TBC1D2B: variants seen among roughly 807,000 people sequenced by gnomAD.
The protein encoded by TBC1D2B is TBC1 domain family member 2B, also known as TBC1 domain family, member 2B.
Under a neutral mutation model 100.8 loss-of-function variants are expected in TBC1D2B, and 64 were observed. That is an observed-to-expected ratio of 0.64 (90% CI 0.52 to 0.78). TBC1D2B has a LOEUF of 0.78. Among genes scored for constraint, TBC1D2B ranks in the 30% least tolerant of loss-of-function variants. The pLI is 0.00. For missense variants in TBC1D2B, 1,052 were observed against 1,218.4 expected (o/e 0.86, Z 2.03); for synonymous variants, 480 against 479.7 (o/e 1.00, Z -0.01).
At chr15:78,070,949 A>C (rs574887886) in intron 1 of TBC1D2B, among the ~76,000 whole-genome samples, 1 of 152,340 alleles carries the variant, frequency 6.6e-6, no homozygotes, top group East Asian at 1.9e-4. Flanking sequence ...CAGCCTCCCA[A>C]GCAGCTGGGA....
chr15:78,011,548 G>A (rs896359524), intron 9 of TBC1D2B, among the ~76,000 whole-genome samples: 8 of 145,014 alleles, frequency 5.5e-5, no homozygotes, highest in African/African-American at 1.5e-4. Context: ...ACAGCTCACC[G>A]CAGCCTCAAC....
At chr15:78,040,867 A>AAAGG in intron 3 of TBC1D2B, among the ~76,000 whole-genome samples, 2 of 142,284 alleles carry the variant, frequency 1.4e-5, no homozygotes, top group Non-Finnish European at 3.0e-5. Flanking sequence ...AGAAAGAAAG[A>AAAGG]AAGAAAGAAA....
At chr15:78,057,931 C>G (rs780009909) in intron 1 of TBC1D2B, among the ~76,000 whole-genome samples, 2 of 152,164 alleles carry the variant, frequency 1.3e-5, no homozygotes, top group South Asian at 4.1e-4. Flanking sequence ...AATGGAGATT[C>G]GGCTCAGGCC....
chr15:77,996,083 A>C lies in TBC1D2B; in HGVS notation c.*2077T>G, dbSNP rs994448523. 1 of 151,718 alleles carries C rather than the reference A, an allele frequency of 6.6e-6. No individual in the cohort carries two copies. Among genetic ancestry groups the C allele is most frequent in the Non-Finnish European group, 1.5e-5 (1 of 67,942 alleles). 9.4% of individuals were successfully genotyped at this position (151,718 alleles called of 1,614,324 possible). On this transcript the variant is annotated 3_prime_UTR_variant, in exon 13 of 13. Coordinates refer to ENST00000300584, the MANE Select transcript of TBC1D2B (RefSeq NM_144572.2). ...GCATCACTTGATTCCAGGCAGGAGA[A>C]CCTCTGAGAAAGTGTCCCCAGTCCC...
chr15:78,070,986 C>A (rs2073734457), intron 1 of TBC1D2B, among the ~76,000 whole-genome samples: 2 of 152,222 alleles, frequency 1.3e-5, no homozygotes, highest in Admixed American at 6.5e-5. Context: ...CCACACCCAG[C>A]TAATTTTGTA....
At chr15:78,027,428 ACAAGGAAG>A (rs1474588256) in intron 4 of TBC1D2B, among the ~76,000 whole-genome samples, 1 of 152,252 alleles carries the variant, frequency 6.6e-6, no homozygotes, top group African/African-American at 2.4e-5. Context: ...ACGGGAAAAT[ACAAGGAAG>A]GGTAGTTCAC....
chr15:78,049,910 A>C (rs1046548962), intron 2 of TBC1D2B, among the ~76,000 whole-genome samples: 1 of 152,138 alleles, frequency 6.6e-6, no homozygotes, highest in African/African-American at 2.4e-5. Context: ...AGGTCCCATA[A>C]GCTCTCCCCA....
In TBC1D2B at chr15:78,054,065, A is replaced by G. The variant is rs151023983; in HGVS notation, c.483T>C (p.Phe161=). 6.2e-7 allele frequency: 1 copy of G among 1,613,594 alleles called. No individual in the cohort carries two copies. Among genetic ancestry groups the G allele is most frequent in the Admixed American group, 1.7e-5 (1 of 59,952 alleles). The change falls in exon 2 of 13, where the codon TTT becomes TTC. Residue 161 remains phenylalanine (F), a synonymous_variant. Coordinates refer to ENST00000300584, the MANE Select transcript of TBC1D2B (RefSeq NM_144572.2). ...DSRTSPTPGD[F]PKGLVARDNT... is the part of the protein sequence containing the mutation. ...TATCTCTGGCTACAAGACCCTTAGG[A>G]AAATCCCCGGGAGTTGGAGAGGTCC...
intron 4 of TBC1D2B, 87 bp from the exon 5 acceptor site, chr15:78,025,584 T>C: frequency 2.0e-6 from 2 of 1,010,946 alleles, no homozygotes; most frequent in Non-Finnish European, 2.8e-6. Context: ...TGGAGTGCAG[T>C]GGCGCAATGT....
chr15:78,055,194 G>A (rs1346682042), intron 1 of TBC1D2B, among the ~76,000 whole-genome samples: 3 of 152,002 alleles, frequency 2.0e-5, no homozygotes, highest in South Asian at 2.1e-4. Flanking sequence ...ACTACAAAGC[G>A]GCAGCACAAG....
At chr15:78,003,061 G>A (rs2071958645) in intron 11 of TBC1D2B, 1 of 396,056 alleles carries the variant, frequency 2.5e-6, no homozygotes, top group East Asian at 4.0e-5. Context: ...GGCTCAAACT[G>A]TAAGCCATAG....
intron 10 of TBC1D2B, among the ~76,000 whole-genome samples, chr15:78,004,034 T>C (rs2071994206): frequency 6.6e-6 from 1 of 152,188 alleles, no homozygotes; most frequent in African/African-American, 2.4e-5. Flanking sequence ...ACTAGCTGGG[T>C]GGCTTTTAGC....
At position 78,077,403 on chromosome 15, in the gene TBC1D2B, T is replaced by C. The variant is rs563823643; in HGVS notation, c.250A>G (p.Ile84Val). 6.5e-7 allele frequency: 1 copy of C among 1,546,356 alleles called. No homozygotes were observed. The highest frequency in any genetic ancestry group is 1.2e-5 in the South Asian group (1 of 83,678). ...TGGTAGCTGAAGCAGGCGTCCGCGA[T>C]GTCCAAGTGGCCGAGGGGCAGCGCG... is the stretch of plus-strand genomic sequence containing the variant. ...QDALPLGHLD[I>V]ADACFSYQGP... is the part of the protein sequence containing the mutation. The change falls in exon 1 of 13, where the codon ATC becomes GTC. Residue 84 changes from isoleucine (I) to valine (V), a missense_variant. Coordinates refer to ENST00000300584, the MANE Select transcript of TBC1D2B (RefSeq NM_144572.2).
chr15:78,077,438 C>T lies in TBC1D2B; in HGVS notation c.215G>A (p.Ser72Asn). ...GCCGAGGGGCAGCGCGTCCTGCGGA[C>T]TCTTGAAATAGTAAAGGTAGCAGCG... ...ARRCYLYYFK[S>N]PQDALPLGHL... Residue 72 changes from serine to asparagine, a missense_variant, in exon 1 of 13, where the codon AGT becomes AAT. This residue lies in a region of TBC1D2B where 627 missense variants were observed against 646.1 expected (regional missense o/e 0.97). Coordinates refer to ENST00000300584, the MANE Select transcript of TBC1D2B (RefSeq NM_144572.2). The T allele has an allele frequency of 3.9e-6, 6 of 1,544,480 alleles. No individual in the cohort carries two copies. The highest frequency in any genetic ancestry group is 5.2e-6 in the Non-Finnish European group (6 of 1,144,808).
intron 1 of TBC1D2B, among the ~76,000 whole-genome samples, chr15:78,075,192 T>C (rs565760807): frequency 2.6e-5 from 4 of 151,480 alleles, no homozygotes; most frequent in African/African-American, 9.8e-5. Context: ...AGATTCTTAT[T>C]TATTATTTTT....
At chr15:78,044,136 G>A (rs2073147446) in intron 3 of TBC1D2B, among the ~76,000 whole-genome samples, 1 of 152,070 alleles carries the variant, frequency 6.6e-6, no homozygotes, top group South Asian at 2.1e-4. Context: ...GAAATGAGAA[G>A]GAACTGCTAA....
At chr15:78,059,240 T>C (rs2073491204) in intron 1 of TBC1D2B, among the ~76,000 whole-genome samples, 1 of 152,184 alleles carries the variant, frequency 6.6e-6, no homozygotes, top group South Asian at 2.1e-4. Context: ...CCAAGTTCCT[T>C]AAAGGCAGAG....
Position 77,996,232 on chromosome 15 carries a change from T to A in TBC1D2B, c.*1928A>T, listed in dbSNP as rs1818061698. 1 of 151,984 alleles carries A rather than the reference T, an allele frequency of 6.6e-6. No individual in the cohort carries two copies. The highest frequency in any genetic ancestry group is 1.5e-5 in the Non-Finnish European group (1 of 67,974). 9.4% of individuals were successfully genotyped at this position (151,984 alleles called of 1,614,324 possible). On this transcript the variant is annotated 3_prime_UTR_variant, in exon 13 of 13. Transcript: ENST00000300584. ...CGACGGGCCCCTGGTCAGGTGCATC[T>A]CTCAGGGCAAACTGGACAACACGAG...
chr15:78,066,608 G>T (rs982340222), intron 1 of TBC1D2B, among the ~76,000 whole-genome samples: 6 of 152,136 alleles, frequency 3.9e-5, no homozygotes, highest in Non-Finnish European at 5.9e-5. Context: ...TAAGAACTGC[G>T]GTTCTGAGGG....
Sources: gnomAD v4.1 joint callset for allele counts (sites outside exome capture counted in the v4.1 genomes callset) on GRCh38, gnomAD v4.1.1 for gene constraint, gnomAD v4.1.1 regional missense constraint, MANE v1.5 for transcripts, NCBI Gene and HGNC (gene_info 2026-07-23, HGNC 2026-07-21) for gene names.